The following ADAMTS6 variants were observed in gnomAD, a reference collection of about 807,000 sequenced individuals.
The protein encoded by ADAMTS6 is A disintegrin and metalloproteinase with thrombospondin motifs 6.
A neutral mutation model predicts 144.3 loss-of-function variants in ADAMTS6; 23 were observed. That is an observed-to-expected ratio of 0.16 (90% CI 0.11 to 0.23). The LOEUF (loss-of-function observed/expected upper bound fraction) is 0.23. Among genes scored for constraint, ADAMTS6 ranks in the 10% least tolerant of loss-of-function variants. The probability of loss-of-function intolerance (pLI) is 1.00; values close to 1 mark genes in which losing one functional copy is unlikely to be tolerated. For synonymous variants in ADAMTS6, 444 were observed against 457.5 expected (o/e 0.97, Z 0.38); for missense variants, 999 against 1,379.6 (o/e 0.72, Z 4.37).
intron 21 of ADAMTS6, among the ~76,000 whole-genome samples, chr5:65,193,412 A>G (rs1453995616): frequency 1.3e-5 from 2 of 152,060 alleles, no homozygotes; most frequent in Non-Finnish European, 2.9e-5. Context: ...TCAATAGGAC[A>G]GGCCATGATG....
chr5:65,327,060 T>C (rs953369711), intron 9 of ADAMTS6, among the ~76,000 whole-genome samples: 4 of 152,128 alleles, frequency 2.6e-5, no homozygotes, highest in Non-Finnish European at 5.9e-5. Context: ...CATAATTGGC[T>C]TGGTGCCTTC....
intron 7 of ADAMTS6, among the ~76,000 whole-genome samples, chr5:65,450,566 T>C (rs565433861): frequency 1.3e-5 from 2 of 152,292 alleles, no homozygotes; most frequent in East Asian, 3.9e-4. Flanking sequence ...TTGCTTATTG[T>C]TTATTGTTAC....
At chr5:65,157,752 G>T (rs1000236632) in intron 24 of ADAMTS6, among the ~76,000 whole-genome samples, 1 of 152,202 alleles carries the variant, frequency 6.6e-6, no homozygotes, top group African/African-American at 2.4e-5. Context: ...TTGGGGTGGG[G>T]AATGTGAACT....
intron 7 of ADAMTS6, among the ~76,000 whole-genome samples, chr5:65,407,952 G>T (rs1239395876): frequency 1.3e-5 from 2 of 152,136 alleles, no homozygotes; most frequent in African/African-American, 4.8e-5. Context: ...AATGCTGAGA[G>T]ATTTTGTCAC....
chr5:65,284,509 CTA>C (rs1763219140), intron 11 of ADAMTS6, among the ~76,000 whole-genome samples: 1 of 152,010 alleles, frequency 6.6e-6, no homozygotes, highest in South Asian at 2.1e-4. Context: ...TGAATATAAA[CTA>C]TGTGGCTAGA....
chr5:65,335,417 C>A (rs77028893), intron 7 of ADAMTS6, among the ~76,000 whole-genome samples: 6,795 of 152,176 alleles, frequency 0.045, 285 homozygotes, highest in African/African-American at 0.11. Flanking sequence ...AAAGTATATT[C>A]TTGGTGTCAC....
At chr5:65,287,964 T>C (rs747133997) in intron 11 of ADAMTS6, among the ~76,000 whole-genome samples, 1 of 152,232 alleles carries the variant, frequency 6.6e-6, no homozygotes, top group Non-Finnish European at 1.5e-5. Context: ...TACTGTACTG[T>C]TTTGTTCTTT....
intron 11 of ADAMTS6, among the ~76,000 whole-genome samples, chr5:65,282,157 T>C (rs945228529): frequency 2.0e-5 from 3 of 152,164 alleles, no homozygotes; most frequent in Non-Finnish European, 2.9e-5. Flanking sequence ...AGGTCAAATA[T>C]GAGTCATCAA....
intron 6 of ADAMTS6, 135 bp from the exon 7 acceptor site, chr5:65,451,755 TG>T: frequency 4.0e-6 from 4 of 1,011,668 alleles, no homozygotes; most frequent in Non-Finnish European, 5.8e-6. Context: ...TTTTTATCTC[TG>T]TAATATCTGA....
chr5:65,223,944 C>T (rs553745783), intron 18 of ADAMTS6, among the ~76,000 whole-genome samples: 6 of 151,940 alleles, frequency 3.9e-5, no homozygotes, highest in East Asian at 3.9e-4. Flanking sequence ...GGACTACAGG[C>T]GCCCACCACC....
At chr5:65,382,771 G>T (rs536306911) in intron 7 of ADAMTS6, among the ~76,000 whole-genome samples, 1 of 152,230 alleles carries the variant, frequency 6.6e-6, no homozygotes, top group African/African-American at 2.4e-5. Context: ...GGTCTTTCCT[G>T]ACCACCATAT....
intron 12 of ADAMTS6, among the ~76,000 whole-genome samples, chr5:65,271,703 T>C (rs147765703): frequency 1.4e-3 from 206 of 152,262 alleles, no homozygotes; most frequent in Middle Eastern, 0.01. Context: ...ATGAGAATAA[T>C]AATAAATCAA....
chr5:65,407,905 T>C (rs1754695040), intron 7 of ADAMTS6, among the ~76,000 whole-genome samples: 1 of 152,132 alleles, frequency 6.6e-6, no homozygotes, highest in Admixed American at 6.6e-5. Flanking sequence ...CTAAGCTTCA[T>C]AAGTGAAGGA....
intron 3 of ADAMTS6, among the ~76,000 whole-genome samples, chr5:65,461,981 A>G (rs1409753558): frequency 2.0e-5 from 3 of 152,192 alleles, no homozygotes; most frequent in Non-Finnish European, 2.9e-5. Context: ...TTTATAGATT[A>G]AATTGGCAGT....
intron 2 of ADAMTS6, among the ~76,000 whole-genome samples, chr5:65,473,069 A>G (rs556565859): frequency 6.6e-6 from 1 of 152,208 alleles, no homozygotes; most frequent in African/African-American, 2.4e-5. Flanking sequence ...GATTAAAATT[A>G]TAAAGATTAG....
chr5:65,227,205 C>T (rs1205655174), intron 15 of ADAMTS6, among the ~76,000 whole-genome samples: 1 of 152,084 alleles, frequency 6.6e-6, no homozygotes, highest in Non-Finnish European at 1.5e-5. Flanking sequence ...AATTAAAACA[C>T]TAATTTTGTT....
chr5:65,345,250 C>T (rs760960356), intron 7 of ADAMTS6, among the ~76,000 whole-genome samples: 1 of 151,584 alleles, frequency 6.6e-6, no homozygotes, highest in Non-Finnish European at 1.5e-5. Context: ...CTCCCTATTT[C>T]CATTTCCCAA....
At chr5:65,274,055 T>C (rs2112660344) in intron 11 of ADAMTS6, among the ~76,000 whole-genome samples, 1 of 152,314 alleles carries the variant, frequency 6.6e-6, no homozygotes, top group Non-Finnish European at 1.5e-5. Flanking sequence ...AAACTTGGTT[T>C]TGAACAAATG....
intron 9 of ADAMTS6, among the ~76,000 whole-genome samples, chr5:65,302,773 C>G (rs879638613): frequency 6.6e-6 from 1 of 152,040 alleles, no homozygotes; most frequent in Admixed American, 6.6e-5. Context: ...TTTCAAGTAA[C>G]GATAGCTTTA....
Sources: gnomAD v4.1 joint callset for allele counts (sites outside exome capture counted in the v4.1 genomes callset) on GRCh38, gnomAD v4.1.1 for gene constraint, MANE v1.5 for transcripts, NCBI Gene and HGNC (gene_info 2026-07-23, HGNC 2026-07-21) for gene names.